SKAP2: variants seen among roughly 807,000 people sequenced by gnomAD.
SKAP2 encodes the protein src kinase-associated phosphoprotein 2.
Under a neutral mutation model 54.9 loss-of-function variants are expected in SKAP2, and 28 were observed. The ratio of observed to expected loss-of-function variants is 0.51; its 90% CI spans 0.38 to 0.70. The LOEUF (loss-of-function observed/expected upper bound fraction) is 0.70. Ranked by LOEUF, SKAP2 falls within the 30% of genes least tolerant of loss-of-function variation. The probability of loss-of-function intolerance (pLI) is 0.00; values close to 1 mark genes in which losing one functional copy is unlikely to be tolerated. For synonymous variants in SKAP2, 137 were observed against 134.3 expected (o/e 1.02, Z -0.14); for missense variants, 356 against 424.1 (o/e 0.84, Z 1.41).
chr7:26,809,363 AGATCGCAC>A (rs1286597051), intron 4 of SKAP2, among the ~76,000 whole-genome samples: 1 of 152,114 alleles, frequency 6.6e-6, no homozygotes, highest in Non-Finnish European at 1.5e-5. Flanking sequence ...CAGTGAGCCA[AGATCGCAC>A]CATTGCACTC....
chr7:26,828,218 A>G (rs1484705071), intron 4 of SKAP2, among the ~76,000 whole-genome samples: 1 of 152,180 alleles, frequency 6.6e-6, no homozygotes, highest in Middle Eastern at 3.2e-3. Context: ...ATGAAAGAAG[A>G]GTCATGTGAT....
At chr7:26,673,655 C>CA (rs1179301682) in intron 11 of SKAP2, among the ~76,000 whole-genome samples, 12 of 151,210 alleles carry the variant, frequency 7.9e-5, no homozygotes, top group East Asian at 3.9e-4. Flanking sequence ...ATCAAAGAAG[C>CA]AAAAAAAAGC....
intron 4 of SKAP2, among the ~76,000 whole-genome samples, chr7:26,816,585 A>T (rs1262557941): frequency 6.6e-6 from 1 of 152,076 alleles, no homozygotes; most frequent in Non-Finnish European, 1.5e-5. Flanking sequence ...ATTAAAAATA[A>T]GAAAATTCAG....
At position 26,772,813 on chromosome 7, in the gene SKAP2, T is replaced by C. The variant is rs150211765; in HGVS notation, c.308-32849A>G. Among the ~76,000 whole-genome samples the C allele has an allele frequency of 6.0e-4, 92 of 152,356 alleles. No homozygotes were observed. In the East Asian group the frequency reaches 0.012, roughly 20 times the overall value. Reference sequence around the variant, plus strand: ...GCCTGTAACTTTAATTGGTGGAAGTTATAAAATATCACTTTAGAGTTATAC... The same window carrying C: ...GCCTGTAACTTTAATTGGTGGAAGTCATAAAATATCACTTTAGAGTTATAC... On this transcript the variant is annotated intron_variant, in intron 4 of 12. Transcript: ENST00000345317.
intron 3 of SKAP2, among the ~76,000 whole-genome samples, chr7:26,848,376 A>G (rs973325123): frequency 6.6e-6 from 1 of 152,238 alleles, no homozygotes; most frequent in African/African-American, 2.4e-5. Context: ...TGTCAGTATG[A>G]CAACACAAAT....
At chr7:26,801,983 C>T (rs1203932436) in intron 4 of SKAP2, among the ~76,000 whole-genome samples, 1 of 152,046 alleles carries the variant, frequency 6.6e-6, no homozygotes, top group Non-Finnish European at 1.5e-5. Context: ...TGACATTCTT[C>T]CCCAAAACAG....
chr7:26,823,425 CA>C (rs60207927), intron 4 of SKAP2, among the ~76,000 whole-genome samples: 8,147 of 93,874 alleles, frequency 0.087, 272 homozygotes, highest in East Asian at 0.3. Flanking sequence ...GACTTTGTCT[CA>C]AAAAAAAAAA....
intron 4 of SKAP2, among the ~76,000 whole-genome samples, chr7:26,765,057 TG>T: frequency 6.6e-6 from 1 of 152,340 alleles, no homozygotes; most frequent in East Asian, 1.9e-4. Flanking sequence ...ATCACCACAC[TG>T]TCTTCCACAA....
At chr7:26,771,203 C>G (rs1783181906) in intron 4 of SKAP2, among the ~76,000 whole-genome samples, 1 of 152,106 alleles carries the variant, frequency 6.6e-6, no homozygotes, top group African/African-American at 2.4e-5. Context: ...CTAGGTGTAG[C>G]TAGTGATAAT....
At chr7:26,827,760 C>T (rs1175003483) in intron 4 of SKAP2, among the ~76,000 whole-genome samples, 1 of 152,114 alleles carries the variant, frequency 6.6e-6, no homozygotes, top group African/African-American at 2.4e-5. Flanking sequence ...TTAGATAAGG[C>T]AGAAATATCA....
At chr7:26,857,698 T>C in intron 1 of SKAP2, 1 of 985,458 alleles carries the variant, frequency 1.0e-6, no homozygotes, top group Non-Finnish European at 1.2e-6. Flanking sequence ...GAGCCGGGTC[T>C]GGGGCAGAGC....
chr7:26,742,117 A>AT (rs1159249280), intron 4 of SKAP2, among the ~76,000 whole-genome samples: 3 of 152,154 alleles, frequency 2.0e-5, no homozygotes, highest in Admixed American at 6.5e-5. Flanking sequence ...TTATTATAGG[A>AT]TTTTGTACAT....
chr7:26,751,741 C>A (rs1041956138), intron 4 of SKAP2, among the ~76,000 whole-genome samples: 16 of 152,064 alleles, frequency 1.1e-4, no homozygotes, highest in African/African-American at 3.9e-4. Flanking sequence ...GAAATTCATA[C>A]ATTCTTATCT....
intron 9 of SKAP2, among the ~76,000 whole-genome samples, chr7:26,694,167 T>C (rs1786846970): frequency 6.6e-6 from 1 of 152,208 alleles, no homozygotes; most frequent in Non-Finnish European, 1.5e-5. Context: ...CACAATGTCA[T>C]TGTACAATAC....
intron 4 of SKAP2, among the ~76,000 whole-genome samples, chr7:26,747,597 A>ATT (rs1782584490): frequency 6.6e-6 from 1 of 152,224 alleles, no homozygotes; most frequent in African/African-American, 2.4e-5. Context: ...AGGTCTATTT[A>ATT]GAACAAAAGA....
intron 11 of SKAP2, among the ~76,000 whole-genome samples, chr7:26,678,693 G>A (rs139481852): frequency 0.026 from 3,982 of 151,984 alleles, 167 homozygotes; most frequent in African/African-American, 0.09. Flanking sequence ...CTCCTGCCTC[G>A]GCCTCCCAAA....
At chr7:26,676,776 T>C (rs1786358393) in intron 11 of SKAP2, among the ~76,000 whole-genome samples, 1 of 152,102 alleles carries the variant, frequency 6.6e-6, no homozygotes, top group Non-Finnish European at 1.5e-5. Flanking sequence ...TATTGAATGT[T>C]AGGTAAGAGA....
intron 4 of SKAP2, among the ~76,000 whole-genome samples, chr7:26,823,908 C>G (rs976512981): frequency 1.3e-5 from 2 of 152,160 alleles, no homozygotes; most frequent in Non-Finnish European, 2.9e-5. Flanking sequence ...GTGATGGGAT[C>G]TACTCCTGAT....
chr7:26,708,770 A>G (rs897693224), intron 9 of SKAP2, among the ~76,000 whole-genome samples: 1 of 151,910 alleles, frequency 6.6e-6, no homozygotes, highest in African/African-American at 2.4e-5. Flanking sequence ...ATTTCTTATC[A>G]TTTGTTATAT....
Sources: gnomAD v4.1 joint callset for allele counts (sites outside exome capture counted in the v4.1 genomes callset) on GRCh38, gnomAD v4.1.1 for gene constraint, MANE v1.5 for transcripts, NCBI Gene and HGNC (gene_info 2026-07-23, HGNC 2026-07-21) for gene names.